Variants in NFIA observed in about 807,000 individuals in gnomAD.
NFIA encodes nuclear factor I A.
In NFIA, 8 loss-of-function variants were observed where a neutral mutation model predicts 62.8. The observed-to-expected ratio is 0.13, with a 90% CI of 0.07 to 0.23. NFIA has a LOEUF of 0.23. NFIA is among the 10% of genes least tolerant of loss of function. The pLI is 1.00. For synonymous variants in NFIA, 235 were observed against 238.1 expected, an observed-to-expected ratio of 0.99 and a Z score of 0.12; for missense variants, 410 against 642.1, an observed-to-expected ratio of 0.64 and a Z score of 3.91.
intron 10 of NFIA, among the ~76,000 whole-genome samples, chr1:61,446,278 G>A (rs1039284523): frequency 2.0e-5 from 3 of 152,210 alleles, no homozygotes; most frequent in African/African-American, 7.2e-5. Flanking sequence ...TCCAAATGCT[G>A]CCTGTATGTC....
intron 3 of NFIA, among the ~76,000 whole-genome samples, chr1:61,314,976 T>C (rs1013411925): frequency 2.6e-5 from 4 of 152,202 alleles, no homozygotes; most frequent in Non-Finnish European, 5.9e-5. Context: ...TCAATAGATA[T>C]TTGTTGAATG....
intron 7 of NFIA, among the ~76,000 whole-genome samples, chr1:61,391,146 G>A (rs1664955001): frequency 6.6e-6 from 1 of 151,888 alleles, no homozygotes; most frequent in Non-Finnish European, 1.5e-5. Flanking sequence ...CTGCAGCCTC[G>A]ACCTCCTAGG....
chr1:61,269,774 A>G (rs1657397000), intron 2 of NFIA, among the ~76,000 whole-genome samples: 1 of 152,244 alleles, frequency 6.6e-6, no homozygotes. Context: ...AGTCTAGCTC[A>G]TAGTTCTCTG....
At chr1:61,192,435 C>T (rs1651699802) in intron 2 of NFIA, among the ~76,000 whole-genome samples, 1 of 152,162 alleles carries the variant, frequency 6.6e-6, no homozygotes, top group Non-Finnish European at 1.5e-5. Context: ...GGCGCAGTGG[C>T]TCATGCCTGT....
intron 2 of NFIA, among the ~76,000 whole-genome samples, chr1:61,189,596 C>T (rs779876845): frequency 1.1e-4 from 17 of 151,942 alleles, no homozygotes; most frequent in African/African-American, 3.1e-4. Context: ...AACTGGGAGG[C>T]GGAAGTTGCA....
intron 2 of NFIA, among the ~76,000 whole-genome samples, chr1:61,245,566 A>T (rs1231846925): frequency 1.3e-5 from 2 of 152,114 alleles, no homozygotes; most frequent in African/African-American, 4.8e-5. Context: ...AAAGAGTGAG[A>T]TAATATTAGG....
chr1:61,159,217 G>A (rs1031824636), intron 2 of NFIA, among the ~76,000 whole-genome samples: 1 of 151,974 alleles, frequency 6.6e-6, no homozygotes, highest in African/African-American at 2.4e-5. Flanking sequence ...TTTTTACCTG[G>A]TGAGAGTTAA....
At chr1:61,359,019 A>G in intron 5 of NFIA, 128 bp from the exon 6 acceptor site, 4 of 1,305,130 alleles carry the variant, frequency 3.1e-6, no homozygotes, top group Non-Finnish European at 4.2e-6. Context: ...GAAGTTTAAA[A>G]GGAGTCCTAG....
intron 7 of NFIA, among the ~76,000 whole-genome samples, chr1:61,392,701 G>A (rs143601406): frequency 0.024 from 3,719 of 152,322 alleles, 59 homozygotes; most frequent in Non-Finnish European, 0.04. Flanking sequence ...GAGCTCTTCC[G>A]TAGTGGAATC....
rs565734525 is a variant in NFIA at position 61,397,652 on chromosome 1, A to G, written c.1076-6452A>G. 2.6e-5 allele frequency among the ~76,000 whole-genome samples: 4 copies of G among 152,318 alleles called. No homozygotes were observed. The South Asian group carries it at 6.2e-4, about 24-fold the overall frequency. On this transcript the variant is annotated intron_variant, in intron 7 of 10. Coordinates refer to ENST00000403491, the MANE Select transcript of NFIA (RefSeq NM_001134673.4). ...CTCATTTAGTCTTCACAACAGCGCT[A>G]TGAGGTATTATTAGCCCCATTATAC...
intron 9 of NFIA, among the ~76,000 whole-genome samples, chr1:61,426,132 T>C (rs1666855560): frequency 6.6e-6 from 1 of 152,222 alleles, no homozygotes; most frequent in Non-Finnish European, 1.5e-5. Flanking sequence ...AAGAATAGGA[T>C]ATCTCTTTCT....
At chr1:61,326,989 G>T (rs6694984) in intron 3 of NFIA, among the ~76,000 whole-genome samples, 2 of 150,880 alleles carry the variant, frequency 1.3e-5, no homozygotes, top group Non-Finnish European at 2.9e-5. Context: ...TACTCTGAAC[G>T]TTCTGTGGGG....
intron 2 of NFIA, among the ~76,000 whole-genome samples, chr1:61,126,871 AC>A (rs923619217): frequency 2.4e-5 from 3 of 123,488 alleles, no homozygotes; most frequent in African/African-American, 9.5e-5. Context: ...TGCAACCTCC[AC>A]CTCCCAGGTT....
intron 9 of NFIA, among the ~76,000 whole-genome samples, chr1:61,420,216 A>G (rs567716417): frequency 1.2e-4 from 19 of 152,306 alleles, no homozygotes; most frequent in Non-Finnish European, 1.8e-4. Context: ...AAGGAGAAAC[A>G]CTCCAATACT....
intron 2 of NFIA, among the ~76,000 whole-genome samples, chr1:61,235,341 T>C (rs1367429241): frequency 6.6e-6 from 1 of 151,880 alleles, no homozygotes; most frequent in Non-Finnish European, 1.5e-5. Context: ...GTGGTGCCTG[T>C]AGTCCCAGCT....
upstream of NFIA, among the ~76,000 whole-genome samples, chr1:61,078,263 G>GA (rs112301617): frequency 3.2e-3 from 450 of 142,430 alleles, no homozygotes; most frequent in Middle Eastern, 7.2e-3. Flanking sequence ...TCGCGTTTAA[G>GA]AAAAAAAAAA....
intron 6 of NFIA, among the ~76,000 whole-genome samples, chr1:61,377,269 A>G (rs1019366632): frequency 1.1e-4 from 17 of 152,158 alleles, no homozygotes; most frequent in African/African-American, 3.1e-4. Context: ...TGAGATATTT[A>G]TAAGTACATG....
intron 3 of NFIA, among the ~76,000 whole-genome samples, chr1:61,329,286 T>C (rs1187473613): frequency 1.3e-5 from 2 of 151,826 alleles, no homozygotes; most frequent in East Asian, 3.9e-4. Context: ...GACCTTGTGA[T>C]CTGCCCACCT....
chr1:61,081,800 T>G, upstream of NFIA: 1 of 1,389,916 alleles, frequency 7.2e-7, no homozygotes, highest in Non-Finnish European at 9.7e-7. Context: ...GTTTGCAGGA[T>G]TGTGTGCATA....
Sources: gnomAD v4.1 joint callset for allele counts (sites outside exome capture counted in the v4.1 genomes callset) on GRCh38, gnomAD v4.1.1 for gene constraint, MANE v1.5 for transcripts, NCBI Gene and HGNC (gene_info 2026-07-23, HGNC 2026-07-21) for gene names.